The following COBLL1 variants were observed in gnomAD, a reference collection of about 807,000 sequenced individuals.
COBLL1 encodes cordon-bleu WH2 repeat protein like 1, also known as cordon-bleu protein-like 1.
COBLL1 carries 50 observed loss-of-function variants against 94.8 expected under a neutral mutation model. That is an observed-to-expected ratio of 0.53 (90% CI 0.42 to 0.67). The LOEUF (loss-of-function observed/expected upper bound fraction) is 0.67, where lower values mean the gene tolerates loss of function less well. Ranked by LOEUF, COBLL1 falls within the 30% of genes least tolerant of loss-of-function variation. The pLI is 0.00. For missense variants in COBLL1, 1,362 were observed against 1,348.7 expected (o/e 1.01, Z -0.15); for synonymous variants, 448 against 473.8 (o/e 0.95, Z 0.71).
intron 2 of COBLL1, among the ~76,000 whole-genome samples, chr2:164,801,756 T>C (rs1381324223): frequency 1.3e-5 from 2 of 152,212 alleles, no homozygotes; most frequent in South Asian, 2.1e-4. Flanking sequence ...GTTCTTGTGC[T>C]ACCTCCATTT....
chr2:164,841,181 G>C lies in COBLL1; in HGVS notation c.16C>G (p.Pro6Ala), dbSNP rs1392468577. Residue 6 changes from proline (P) to alanine (A), a missense_variant, in exon 2 of 14, where the codon CCG becomes GCG. By Grantham distance (27) the Pro-to-Ala change is conservative. Transcript: ENST00000652658. The surrounding 1 kb of genome is among the most constrained non-coding windows in gnomAD (Gnocchi z 5.5). ...CTGGCTGGGGCGTCCTGCGGGCGCG[G>C]GGTTCGGCCGTCCATCGCCCTGCGG... MDGRTPRPQDAPARRK... is the reference protein window; with the variant it reads MDGRTARPQDAPARRK... 8 of 1,232,386 alleles carry C rather than the reference G, an allele frequency of 6.5e-6. No homozygotes were observed. Among genetic ancestry groups the C allele is most frequent in the African/African-American group, 1.6e-5 (1 of 64,306 alleles). The allele number at this position is 1,232,386 out of a possible 1,614,324, so 76.3% of individuals were successfully genotyped here.
At chr2:164,699,096 T>A (rs148147657) in intron 11 of COBLL1, among the ~76,000 whole-genome samples, 274 of 152,060 alleles carry the variant, frequency 1.8e-3, no homozygotes, top group African/African-American at 6.3e-3. Flanking sequence ...AATTTCTATG[T>A]TTTAACAACA....
intron 3 of COBLL1, among the ~76,000 whole-genome samples, chr2:164,738,647 T>C (rs1021033920): frequency 8.5e-5 from 13 of 152,218 alleles, no homozygotes; most frequent in Admixed American, 2.0e-4. Context: ...ATATACATGA[T>C]ACACAGACAC....
chr2:164,819,984 C>G (rs1275961567), intron 2 of COBLL1, among the ~76,000 whole-genome samples: 1 of 139,344 alleles, frequency 7.2e-6, no homozygotes, highest in Non-Finnish European at 1.5e-5. Context: ...TGCCACCATA[C>G]CTGGCTTTTT....
intron 3 of COBLL1, among the ~76,000 whole-genome samples, chr2:164,738,053 C>T (rs1686407263): frequency 6.6e-6 from 1 of 152,132 alleles, no homozygotes; most frequent in Admixed American, 6.5e-5. Flanking sequence ...GAGTTCTGTG[C>T]TTTCTTTGTG....
At chr2:164,842,062 C>T (rs1574690167), upstream of COBLL1, 6 of 1,512,920 alleles carry the variant, frequency 4.0e-6, no homozygotes, top group African/African-American at 4.2e-5. Context: ...AGGGAAGCAG[C>T]GAGCCGGAGA....
At chr2:164,762,222 C>T (rs1020171419) in intron 2 of COBLL1, among the ~76,000 whole-genome samples, 3 of 152,168 alleles carry the variant, frequency 2.0e-5, no homozygotes, top group Non-Finnish European at 2.9e-5. Context: ...GCTATTTAAC[C>T]TGACCATGCT....
chr2:164,805,323 C>G (rs1403412856), intron 2 of COBLL1, among the ~76,000 whole-genome samples: 5 of 33,678 alleles, frequency 1.5e-4, no homozygotes, highest in African/African-American at 3.5e-4. Context: ...CTCTCTCTCT[C>G]TCTCTCTCTC....
chr2:164,831,370 T>A (rs1418441759), intron 2 of COBLL1, among the ~76,000 whole-genome samples: 2 of 151,394 alleles, frequency 1.3e-5, no homozygotes, highest in Non-Finnish European at 2.9e-5. Context: ...TAAAATTTTA[T>A]TAAATTTTAT....
chr2:164,745,774 T>G (rs994062793), intron 2 of COBLL1, among the ~76,000 whole-genome samples: 2 of 152,166 alleles, frequency 1.3e-5, no homozygotes, highest in Admixed American at 1.3e-4. Context: ...ATAACTGATA[T>G]TTTTGGCAGA....
intron 2 of COBLL1, among the ~76,000 whole-genome samples, chr2:164,809,639 A>G (rs189274729): frequency 1.2e-4 from 18 of 152,172 alleles, no homozygotes; most frequent in Admixed American, 2.6e-4. Flanking sequence ...CTATTTTTAA[A>G]GTATCTAAAT....
At chr2:164,763,327 T>C (rs1687784780) in intron 2 of COBLL1, among the ~76,000 whole-genome samples, 1 of 152,178 alleles carries the variant, frequency 6.6e-6, no homozygotes, top group South Asian at 2.1e-4. Flanking sequence ...AAAAAATTTG[T>C]CAACACACAC....
intron 2 of COBLL1, among the ~76,000 whole-genome samples, chr2:164,665,487 T>A (rs1217820614): frequency 2.0e-5 from 3 of 150,252 alleles, no homozygotes; most frequent in Non-Finnish European, 3.0e-5. Flanking sequence ...AGACATGGCA[T>A]AATTTTTGAA....
chr2:164,738,125 C>A (rs957413137), intron 3 of COBLL1: 1 of 152,076 alleles, frequency 6.6e-6, no homozygotes, highest in African/African-American at 2.4e-5. Context: ...GTGGTAAGGG[C>A]GTAAAAGAAA....
intron 9 of COBLL1, chr2:164,703,045 CGAT>C (rs1684391557): frequency 1.1e-6 from 1 of 936,774 alleles, no homozygotes; most frequent in African/African-American, 1.7e-5. Context: ...AATTTACAGT[CGAT>C]GATATCTTAA....
At chr2:164,822,030 A>C (rs892776343) in intron 2 of COBLL1, among the ~76,000 whole-genome samples, 1 of 152,230 alleles carries the variant, frequency 6.6e-6, no homozygotes, top group African/African-American at 2.4e-5. Flanking sequence ...CTTTGTCAAT[A>C]TTTCATGGCT....
intron 2 of COBLL1, among the ~76,000 whole-genome samples, chr2:164,658,100 G>A (rs1193369454): frequency 2.0e-5 from 3 of 152,098 alleles, no homozygotes; most frequent in Non-Finnish European, 4.4e-5. Flanking sequence ...TGCCTAATTA[G>A]CATTTTAGTG....
At chr2:164,776,204 T>C (rs1688454837) in intron 2 of COBLL1, among the ~76,000 whole-genome samples, 1 of 152,008 alleles carries the variant, frequency 6.6e-6, no homozygotes, top group Non-Finnish European at 1.5e-5. Context: ...CATCTTAAAA[T>C]GTAAACTATC....
intron 2 of COBLL1, among the ~76,000 whole-genome samples, chr2:164,661,404 A>G (rs997909749): frequency 6.6e-6 from 1 of 152,158 alleles, no homozygotes; most frequent in African/African-American, 2.4e-5. Flanking sequence ...GTCTTTCACA[A>G]TAAATTGATA....
Sources: allele counts gnomAD v4.1 joint callset (sites outside exome capture counted in the v4.1 genomes callset), GRCh38; gene constraint gnomAD v4.1.1; non-coding constraint Gnocchi (gnomAD v3.1); transcripts MANE v1.5; gene names NCBI Gene and HGNC (gene_info 2026-07-23, HGNC 2026-07-21).